The following EPHA6 variants were observed in gnomAD, a reference collection of about 807,000 sequenced individuals.
EPHA6 encodes the protein EPH receptor A6.
Under a neutral mutation model 112.0 loss-of-function variants are expected in EPHA6, and 50 were observed. The observed-to-expected ratio is 0.45, with a 90% CI of 0.36 to 0.56. The LOEUF is 0.56. EPHA6 is among the 20% of genes least tolerant of loss of function. The pLI, the probability that EPHA6 is intolerant of heterozygous loss-of-function variation, is 0.00. For synonymous variants in EPHA6, 529 were observed against 490.7 expected (o/e 1.08, Z -1.03); for missense variants, 1,280 against 1,417.4 (o/e 0.90, Z 1.56).
intron 5 of EPHA6, among the ~76,000 whole-genome samples, chr3:97,274,494 C>T (rs1282238734): frequency 2.0e-5 from 3 of 152,104 alleles, no homozygotes; most frequent in Non-Finnish European, 4.4e-5. Flanking sequence ...CCTCTTTCAG[C>T]CCATACAACA....
intron 11 of EPHA6, among the ~76,000 whole-genome samples, chr3:97,574,135 A>C (rs778622079): frequency 6.6e-6 from 1 of 152,142 alleles, no homozygotes; most frequent in African/African-American, 2.4e-5. Flanking sequence ...CATTGGTTTG[A>C]GAAAAAATTG....
At chr3:97,433,582 G>A (rs1312053870) in intron 6 of EPHA6, among the ~76,000 whole-genome samples, 1 of 152,116 alleles carries the variant, frequency 6.6e-6, no homozygotes, top group Non-Finnish European at 1.5e-5. Context: ...AAGGTGACTA[G>A]GCATACTTGG....
intron 13 of EPHA6, among the ~76,000 whole-genome samples, chr3:97,624,493 A>G (rs1231302725): frequency 6.6e-6 from 1 of 151,566 alleles, no homozygotes; most frequent in Non-Finnish European, 1.5e-5. Flanking sequence ...GTTAAGGGAT[A>G]TTGGTCTATA....
chr3:97,316,873 A>G (rs1046858760), intron 5 of EPHA6, among the ~76,000 whole-genome samples: 1 of 151,936 alleles, frequency 6.6e-6, no homozygotes, highest in African/African-American at 2.4e-5. Context: ...CCAAAAGTCA[A>G]GAAGAGCCCA....
chr3:97,207,985 T>C (rs1415991756), intron 3 of EPHA6, among the ~76,000 whole-genome samples: 2 of 152,094 alleles, frequency 1.3e-5, no homozygotes, highest in African/African-American at 4.8e-5. Context: ...ATGAGCCAAA[T>C]CAAGGAACCG....
intron 2 of EPHA6, among the ~76,000 whole-genome samples, chr3:96,982,611 G>T (rs1421314579): frequency 2.6e-5 from 4 of 152,064 alleles, no homozygotes; most frequent in Non-Finnish European, 5.9e-5. Context: ...GGATATCCTT[G>T]TTAACTTTCT....
intron 2 of EPHA6, among the ~76,000 whole-genome samples, chr3:96,904,431 G>A (rs534331066): frequency 1.6e-4 from 22 of 134,752 alleles, no homozygotes; most frequent in African/African-American, 5.9e-4. Context: ...CACAGGAAGG[G>A]GAACATCACA....
chr3:96,963,253 C>T (rs567022187), intron 2 of EPHA6, among the ~76,000 whole-genome samples: 2 of 150,624 alleles, frequency 1.3e-5, no homozygotes, highest in African/African-American at 2.4e-5. Flanking sequence ...GCAAAGAAAA[C>T]GTTTTCATTT....
intron 1 of EPHA6, among the ~76,000 whole-genome samples, chr3:96,857,322 A>G (rs1170567052): frequency 1.3e-5 from 2 of 152,032 alleles, no homozygotes; most frequent in Admixed American, 6.6e-5. Context: ...CATTTATTGT[A>G]TTTTATATTT....
chr3:97,253,923 T>G lies in EPHA6; in HGVS notation c.1606+9636T>G, dbSNP rs2079220374. 2.0e-5 allele frequency among the ~76,000 whole-genome samples: 3 copies of G among 152,094 alleles called. 1 individual carries two copies. In the South Asian group the frequency reaches 6.2e-4, roughly 31 times the overall value. The stretch of plus-strand genomic sequence containing the variant: ...TATCATAATTTGATATTTTTAAGTT[T>G]ATTATTTTTTATAAACATAAATATA... On this transcript the variant is annotated intron_variant, in intron 5 of 17. Coordinates refer to ENST00000389672, the MANE Select transcript of EPHA6 (RefSeq NM_001080448.3).
chr3:97,179,328 TTC>T (rs113374953), intron 3 of EPHA6, among the ~76,000 whole-genome samples: 1,805 of 152,242 alleles, frequency 0.012, 30 homozygotes, highest in African/African-American at 0.04. Context: ...CTATTTTGAA[TTC>T]TCTGTCTGAA....
chr3:97,611,261 C>T (rs2093717967), intron 13 of EPHA6, among the ~76,000 whole-genome samples: 1 of 151,740 alleles, frequency 6.6e-6, no homozygotes, highest in Admixed American at 6.6e-5. Context: ...TCTGTATTTA[C>T]CAACAATGAC....
intron 1 of EPHA6, among the ~76,000 whole-genome samples, chr3:96,855,551 T>C (rs576925350): frequency 5.5e-4 from 84 of 152,156 alleles, no homozygotes; most frequent in Middle Eastern, 3.4e-3. Context: ...GATGTGAACA[T>C]GTTACATTTG....
chr3:97,439,321 AGTT>A (rs919534456), intron 6 of EPHA6, among the ~76,000 whole-genome samples: 187 of 152,310 alleles, frequency 1.2e-3, no homozygotes, highest in African/African-American at 4.3e-3. Flanking sequence ...GTCAAAAAGT[AGTT>A]GTGTACATGG....
At chr3:97,423,621 T>A (rs75741628) in intron 6 of EPHA6, among the ~76,000 whole-genome samples, 2 of 152,048 alleles carry the variant, frequency 1.3e-5, no homozygotes, top group Non-Finnish European at 2.9e-5. Context: ...AATCTACCTA[T>A]GACATTTTTT....
chr3:97,238,486 C>T (rs2078745023), intron 4 of EPHA6, among the ~76,000 whole-genome samples: 1 of 151,826 alleles, frequency 6.6e-6, no homozygotes, highest in African/African-American at 2.4e-5. Context: ...GATTAGCAGA[C>T]TTGTGCCTAT....
At chr3:96,853,192 G>A (rs1340431647) in intron 1 of EPHA6, among the ~76,000 whole-genome samples, 3 of 151,692 alleles carry the variant, frequency 2.0e-5, no homozygotes, top group Non-Finnish European at 2.9e-5. Context: ...AGGTGTAAAG[G>A]TTTTTCAATA....
chr3:97,500,426 C>T (rs1344290970), intron 10 of EPHA6, among the ~76,000 whole-genome samples: 1 of 151,986 alleles, frequency 6.6e-6, no homozygotes, highest in Non-Finnish European at 1.5e-5. Context: ...GCAGGCATGT[C>T]ACATGGCAGG....
At chr3:97,421,837 C>A (rs1006874027) in intron 6 of EPHA6, among the ~76,000 whole-genome samples, 14 of 151,980 alleles carry the variant, frequency 9.2e-5, no homozygotes, top group African/African-American at 3.4e-4. Context: ...GAACCTATGG[C>A]AGAAGTGGCA....
Sources: allele counts gnomAD v4.1 joint callset (sites outside exome capture counted in the v4.1 genomes callset), GRCh38; gene constraint gnomAD v4.1.1; transcripts MANE v1.5; gene names NCBI Gene and HGNC (gene_info 2026-07-23, HGNC 2026-07-21).